Variants in RARB observed in about 807,000 individuals in gnomAD.
RARB encodes retinoic acid receptor beta.
A neutral mutation model predicts 51.9 loss-of-function variants in RARB; 17 were observed. The ratio of observed to expected loss-of-function variants is 0.33; its 90% CI spans 0.22 to 0.49. The LOEUF (loss-of-function observed/expected upper bound fraction) is 0.49. Among genes scored for constraint, RARB ranks in the 20% least tolerant of loss-of-function variants. The pLI is 0.99. For missense variants in RARB, 369 were observed against 550.8 expected (o/e 0.67, Z 3.30); for synonymous variants, 215 against 195.4 (o/e 1.10, Z -0.84).
chr3:25,022,941 C>T (rs769947293), intron 2 of RARB, among the ~76,000 whole-genome samples: 6 of 152,096 alleles, frequency 3.9e-5, no homozygotes, highest in African/African-American at 7.2e-5. Context: ...TATTCATACT[C>T]GGAGCAACAG....
At chr3:25,258,546 C>A (rs1702922838) in intron 5 of RARB, among the ~76,000 whole-genome samples, 1 of 152,050 alleles carries the variant, frequency 6.6e-6, no homozygotes, top group Non-Finnish European at 1.5e-5. Flanking sequence ...CAGGGGAGTA[C>A]CAACCCTGAA....
chr3:25,315,328 A>C (rs1302854138), intron 5 of RARB, among the ~76,000 whole-genome samples: 1 of 152,210 alleles, frequency 6.6e-6, no homozygotes, highest in Non-Finnish European at 1.5e-5. Flanking sequence ...GGGGATAGCA[A>C]AGTACAAAAA....
At chr3:25,500,280 A>T (rs1178434767) in intron 2 of RARB, among the ~76,000 whole-genome samples, 2 of 152,152 alleles carry the variant, frequency 1.3e-5, no homozygotes, top group Non-Finnish European at 2.9e-5. Flanking sequence ...TAGCTCTAAC[A>T]TGCCATTAAA....
At chr3:24,985,474 G>C (rs973245844) in intron 2 of RARB, among the ~76,000 whole-genome samples, 1 of 151,654 alleles carries the variant, frequency 6.6e-6, no homozygotes, top group Non-Finnish European at 1.5e-5. Flanking sequence ...CTTTGCTACA[G>C]TATTTAGTTA....
intron 3 of RARB, among the ~76,000 whole-genome samples, chr3:25,523,873 T>G (rs1005914476): frequency 6.6e-6 from 1 of 152,196 alleles, no homozygotes; most frequent in Non-Finnish European, 1.5e-5. Flanking sequence ...CATTGCATTA[T>G]TTTTTTAAAT....
intron 5 of RARB, among the ~76,000 whole-genome samples, chr3:25,418,009 G>T (rs576360313): frequency 6.7e-6 from 1 of 150,096 alleles, no homozygotes; most frequent in Non-Finnish European, 1.5e-5. Context: ...GTAGAGTTCT[G>T]CAGTATTCCA....
At chr3:25,113,366 C>T (rs1559471047) in intron 3 of RARB, among the ~76,000 whole-genome samples, 2 of 152,136 alleles carry the variant, frequency 1.3e-5, no homozygotes, top group Non-Finnish European at 2.9e-5. Context: ...TCCTAAAAGT[C>T]TAATTTTGTT....
At chr3:25,500,470 T>G (rs1018361364) in intron 2 of RARB, among the ~76,000 whole-genome samples, 2 of 127,766 alleles carry the variant, frequency 1.6e-5, no homozygotes, top group Non-Finnish European at 3.4e-5. Flanking sequence ...TTTTTTTTTT[T>G]TTTTTTTTTT....
chr3:25,214,583 C>A (rs149605366), intron 5 of RARB, among the ~76,000 whole-genome samples: 40 of 152,278 alleles, frequency 2.6e-4, no homozygotes, highest in African/African-American at 9.6e-4. Flanking sequence ...AAGAAATTTT[C>A]CTACTGTAAG....
chr3:24,896,611 T>G (rs1459749273), intron 2 of RARB, among the ~76,000 whole-genome samples: 2 of 152,306 alleles, frequency 1.3e-5, no homozygotes, highest in South Asian at 4.1e-4. Flanking sequence ...ACAGTGGTGA[T>G]GGTTCCATAA....
At chr3:25,274,655 G>T (rs1341993596) in intron 5 of RARB, among the ~76,000 whole-genome samples, 4 of 152,076 alleles carry the variant, frequency 2.6e-5, no homozygotes, top group Non-Finnish European at 5.9e-5. Context: ...TTTTTTTGTA[G>T]GTCAGCCTGG....
intron 1 of RARB, among the ~76,000 whole-genome samples, chr3:25,457,213 G>A (rs1262849977): frequency 1.3e-5 from 2 of 152,080 alleles, no homozygotes; most frequent in Non-Finnish European, 2.9e-5. Context: ...CTAGTGTGCA[G>A]CCAAGTTTGG....
intron 2 of RARB, among the ~76,000 whole-genome samples, chr3:25,006,422 C>A (rs1035587750): frequency 5.3e-5 from 8 of 152,100 alleles, no homozygotes; most frequent in African/African-American, 1.7e-4. Context: ...GTGACGTTGG[C>A]TTTCAAATAA....
Position 24,996,347 on chromosome 3 carries a change from T to C in RARB, c.-379-63778T>C, listed in dbSNP as rs150543902. ...TGATTTTGTTTGGTTCTTCTCTCTT[T>C]TCTTATTTTTCTCATTAGTCTATCT... On this transcript the variant is annotated intron_variant, in intron 2 of 11. Coordinates refer to the RARB transcript ENST00000383772. Among the ~76,000 whole-genome samples the C allele has an allele frequency of 5.1e-4, 77 of 150,934 alleles. 1 individual carries two copies. The highest frequency in any genetic ancestry group is 1.8e-3 in the Admixed American group (27 of 15,220).
At chr3:25,059,715 C>G (rs1041203834) in intron 2 of RARB, among the ~76,000 whole-genome samples, 1 of 151,394 alleles carries the variant, frequency 6.6e-6, no homozygotes, top group Non-Finnish European at 1.5e-5. Context: ...CAAGAGAATA[C>G]GAGTAATAGA....
At chr3:24,847,098 T>C (rs1284134367) in intron 1 of RARB, among the ~76,000 whole-genome samples, 1 of 152,132 alleles carries the variant, frequency 6.6e-6, no homozygotes, top group Non-Finnish European at 1.5e-5. Context: ...GCTTCTACAC[T>C]CACTTCCCTG....
chr3:24,841,057 A>G (rs529252122), intron 1 of RARB, among the ~76,000 whole-genome samples: 2 of 152,328 alleles, frequency 1.3e-5, no homozygotes, highest in South Asian at 4.1e-4. Context: ...AGACATCCTA[A>G]TTGAAATATC....
intron 2 of RARB, among the ~76,000 whole-genome samples, chr3:24,869,551 T>C (rs984169923): frequency 1.7e-4 from 26 of 152,112 alleles, no homozygotes; most frequent in Non-Finnish European, 8.8e-5. Flanking sequence ...CATATACATA[T>C]GAATTATTCC....
intron 2 of RARB, among the ~76,000 whole-genome samples, chr3:24,978,353 G>T (rs530094173): frequency 1.3e-5 from 2 of 152,028 alleles, no homozygotes; most frequent in Admixed American, 6.6e-5. Flanking sequence ...TTGTACCTCT[G>T]GTAGAATTTG....
Sources: allele counts gnomAD v4.1 joint callset (sites outside exome capture counted in the v4.1 genomes callset), GRCh38; gene constraint gnomAD v4.1.1; transcripts MANE v1.5; gene names NCBI Gene and HGNC (gene_info 2026-07-23, HGNC 2026-07-21).